TMEM131L: variants seen among roughly 807,000 people sequenced by gnomAD.
The protein encoded by TMEM131L is transmembrane 131 like.
TMEM131L carries 54 observed loss-of-function variants against 192.2 expected under a neutral mutation model. That is an observed-to-expected ratio of 0.28 (90% CI 0.23 to 0.35). The LOEUF is 0.35. Among genes scored for constraint, TMEM131L ranks in the 10% least tolerant of loss-of-function variants. The probability of loss-of-function intolerance (pLI) is 1.00; values close to 1 mark genes in which losing one functional copy is unlikely to be tolerated. For synonymous variants in TMEM131L, 701 were observed against 704.9 expected (o/e 0.99, Z 0.09); for missense variants, 1,888 against 1,972.9 (o/e 0.96, Z 0.82).
At chr4:153,549,910 C>G (rs1037651581) in intron 3 of TMEM131L, among the ~76,000 whole-genome samples, 163 bp from the exon 4 acceptor site, 1 of 152,178 alleles carries the variant, frequency 6.6e-6, no homozygotes, top group Non-Finnish European at 1.5e-5. Flanking sequence ...GTTTACAACT[C>G]TAGAATTATA....
In TMEM131L at chr4:153,591,163, A is replaced by G. The variant is rs1257257149; in HGVS notation, c.1781A>G (p.Asn594Ser). The G allele has an allele frequency of 8.7e-6, 14 of 1,608,992 alleles. No homozygotes were observed. The highest frequency in any genetic ancestry group is 1.1e-5 in the Non-Finnish European group (13 of 1,177,142). ...RLIAEPGLML[N>S]FSATALRSRM... ...ATCGCAGAGCCTGGCCTCATGTTAA[A>G]CTTCAGCGCAACTGCCCTTAGGAGC... Residue 594 changes from asparagine to serine, a missense_variant, in exon 17 of 35, where the codon AAC (asparagine) becomes AGC (serine). Physicochemically the swap from Asn to Ser is conservative, Grantham distance 46. Coordinates refer to ENST00000409959, the MANE Select transcript of TMEM131L (RefSeq NM_001131007.2).
intron 3 of TMEM131L, among the ~76,000 whole-genome samples, chr4:153,479,910 T>G (rs1438581633): frequency 2.0e-5 from 3 of 152,240 alleles, no homozygotes; most frequent in Non-Finnish European, 2.9e-5. Flanking sequence ...TTCTTTGTTA[T>G]TCAGAAATGG....
At chr4:153,467,045 C>A (rs1206762953) in intron 1 of TMEM131L, among the ~76,000 whole-genome samples, 166 bp from the exon 2 acceptor site, 1 of 152,194 alleles carries the variant, frequency 6.6e-6, no homozygotes, top group Non-Finnish European at 1.5e-5. Flanking sequence ...CACACCCCAC[C>A]CATTGTATTT....
chr4:153,541,722 G>T (rs1323326735), intron 3 of TMEM131L, among the ~76,000 whole-genome samples: 3 of 152,192 alleles, frequency 2.0e-5, no homozygotes, highest in Non-Finnish European at 4.4e-5. Flanking sequence ...TTGGGCAGCT[G>T]ACAGAATCTC....
intron 14 of TMEM131L, 29 bp from the exon 15 acceptor site, chr4:153,587,713 A>T: frequency 6.7e-7 from 1 of 1,496,248 alleles, no homozygotes; most frequent in Non-Finnish European, 9.3e-7. Context: ...CTGTGTTTTA[A>T]GTTATTCATA....
At chr4:153,492,591 A>G (rs1321096568) in intron 3 of TMEM131L, among the ~76,000 whole-genome samples, 1 of 152,170 alleles carries the variant, frequency 6.6e-6, no homozygotes, top group Non-Finnish European at 1.5e-5. Flanking sequence ...GTAATATGAA[A>G]CTGGCATGGC....
At chr4:153,602,948 A>G (rs1336738845) in intron 23 of TMEM131L, among the ~76,000 whole-genome samples, 1 of 152,228 alleles carries the variant, frequency 6.6e-6, no homozygotes, top group African/African-American at 2.4e-5. Context: ...TATCATAGAC[A>G]GTTGTGCTCC....
In TMEM131L at chr4:153,501,956, T is replaced by TC. The variant is rs1271372333; in HGVS notation, c.239+28068_239+28069insC. Among the ~76,000 whole-genome samples, 3 of 150,072 alleles carry TC rather than the reference T, an allele frequency of 2.0e-5. No individual in the cohort carries two copies. The East Asian group carries it at 5.9e-4, about 29-fold the overall frequency. Reference sequence around the variant, plus strand: ...ATCCCCCAAAGGGTTTTTTTTTTTTTTTTTTTTTTTAAATGGAGACAGAGT... The same window carrying TC: ...ATCCCCCAAAGGGTTTTTTTTTTTTTCTTTTTTTTTTAAATGGAGACAGAGT... On this transcript the variant is annotated intron_variant, in intron 3 of 34. Transcript: ENST00000409959.
intron 3 of TMEM131L, among the ~76,000 whole-genome samples, chr4:153,506,687 C>CA (rs1734008205): frequency 6.6e-6 from 1 of 151,560 alleles, no homozygotes; most frequent in Non-Finnish European, 1.5e-5. Context: ...ACTAAAAATA[C>CA]AAAAAATTAG....
intron 11 of TMEM131L, among the ~76,000 whole-genome samples, chr4:153,584,360 A>G (rs1276890135): frequency 6.6e-6 from 1 of 152,210 alleles, no homozygotes; most frequent in Non-Finnish European, 1.5e-5. Context: ...ATTTTTAAAA[A>G]CCATATATAT....
chr4:153,568,435 A>AT (rs990389478), intron 7 of TMEM131L, among the ~76,000 whole-genome samples: 1 of 151,864 alleles, frequency 6.6e-6, no homozygotes, highest in African/African-American at 2.4e-5. Context: ...GTCTCTTTTT[A>AT]TTTTTTTGCC....
chr4:153,548,214 C>G lies in TMEM131L; in HGVS notation c.240-1859C>G, dbSNP rs1737338418. On this transcript the variant is annotated intron_variant, in intron 3 of 34. Transcript: ENST00000409959. Reference sequence around the variant, plus strand: ...TTTTAGGGTTTGAGTAAATAGCATACCTCTTCTCCGACCGTGTTCAAAACA... The same window carrying G: ...TTTTAGGGTTTGAGTAAATAGCATAGCTCTTCTCCGACCGTGTTCAAAACA... 2.0e-5 allele frequency among the ~76,000 whole-genome samples: 3 copies of G among 152,330 alleles called. No individual in the cohort carries two copies. The South Asian group carries it at 6.2e-4, about 32-fold the overall frequency.
intron 3 of TMEM131L, among the ~76,000 whole-genome samples, chr4:153,527,459 G>A (rs1309164103): frequency 6.6e-6 from 1 of 152,124 alleles, no homozygotes; most frequent in Non-Finnish European, 1.5e-5. Context: ...TTCTTTGGTA[G>A]AGACAGGGTT....
chr4:153,586,884 A>G (rs757653931), intron 14 of TMEM131L, among the ~76,000 whole-genome samples: 3 of 152,208 alleles, frequency 2.0e-5, no homozygotes, highest in Admixed American at 6.5e-5. Context: ...ATTATATTTA[A>G]TTTAGACCGT....
chr4:153,504,123 C>T (rs1580088723), intron 3 of TMEM131L, among the ~76,000 whole-genome samples: 2 of 151,740 alleles, frequency 1.3e-5, no homozygotes, highest in East Asian at 3.9e-4. Flanking sequence ...CCCGCCACCA[C>T]GCCCGGCTAA....
At chr4:153,589,994 A>G (rs150433736) in intron 16 of TMEM131L, among the ~76,000 whole-genome samples, 1 of 152,370 alleles carries the variant, frequency 6.6e-6, no homozygotes, top group East Asian at 1.9e-4. Flanking sequence ...GTATAACTAT[A>G]CTACCATTGC....
At chr4:153,610,479 A>G (rs1199441724) in intron 25 of TMEM131L, among the ~76,000 whole-genome samples, 1 of 152,144 alleles carries the variant, frequency 6.6e-6, no homozygotes, top group Non-Finnish European at 1.5e-5. Context: ...TAATTTTGGG[A>G]TAGAGCCCCT....
At chr4:153,539,492 ATTTTTTTTTT>A (rs750436196) in intron 3 of TMEM131L, among the ~76,000 whole-genome samples, 9 of 110,822 alleles carry the variant, frequency 8.1e-5, no homozygotes, top group African/African-American at 1.9e-4. Context: ...CAGAGGCTAG[ATTTTTTTTTT>A]TTTTTTTTTT....
intron 3 of TMEM131L, among the ~76,000 whole-genome samples, chr4:153,547,615 G>GTA (rs544954497): frequency 6.6e-6 from 1 of 152,178 alleles, no homozygotes; most frequent in African/African-American, 2.4e-5. Context: ...ATTTTACAGA[G>GTA]AATAAGGTTA....
Sources: allele counts gnomAD v4.1 joint callset (sites outside exome capture counted in the v4.1 genomes callset), GRCh38; gene constraint gnomAD v4.1.1; transcripts MANE v1.5; gene names NCBI Gene and HGNC (gene_info 2026-07-23, HGNC 2026-07-21).